GINS1: variants seen among roughly 807,000 people sequenced by gnomAD.
GINS1 encodes the protein DNA replication complex GINS protein PSF1.
Under a neutral mutation model 34.9 loss-of-function variants are expected in GINS1, and 26 were observed. That is an observed-to-expected ratio of 0.74 (90% CI 0.55 to 1.03). The LOEUF (loss-of-function observed/expected upper bound fraction) is 1.03. GINS1 is among the 50% of genes least tolerant of loss of function. GINS1 has a pLI of 0.00. For synonymous variants in GINS1, 97 were observed against 84.4 expected (o/e 1.15, Z -0.82); for missense variants, 235 against 237.9 (o/e 0.99, Z 0.08).
At chr20:25,411,750 C>G (rs1338507823) in intron 1 of GINS1, among the ~76,000 whole-genome samples, 1 of 151,974 alleles carries the variant, frequency 6.6e-6, no homozygotes, top group Non-Finnish European at 1.5e-5. Flanking sequence ...CGAGACCAAC[C>G]TGGTGAACAT....
At chr20:25,434,827 C>G (rs542618023) in intron 5 of GINS1, among the ~76,000 whole-genome samples, 183 of 152,348 alleles carry the variant, frequency 1.2e-3, no homozygotes, top group African/African-American at 3.9e-3. Flanking sequence ...GGGCTACACT[C>G]TGCTTCCAAT....
At chr20:25,408,294 G>C (rs1477835417) in intron 1 of GINS1, among the ~76,000 whole-genome samples, 1 of 152,150 alleles carries the variant, frequency 6.6e-6, no homozygotes, top group Non-Finnish European at 1.5e-5. Context: ...CAAGCTTTCT[G>C]TGCTCTCAGT....
chr20:25,435,262 T>TCA (rs1303119017), intron 5 of GINS1, among the ~76,000 whole-genome samples: 6 of 152,152 alleles, frequency 3.9e-5, no homozygotes, highest in African/African-American at 1.4e-4. Context: ...TTATTGAGGA[T>TCA]CCCAGGTATG....
chr20:25,415,664 A>G (rs1010594511), intron 2 of GINS1, among the ~76,000 whole-genome samples: 2 of 150,656 alleles, frequency 1.3e-5, no homozygotes, highest in African/African-American at 4.9e-5. Context: ...CAGCTTGGGC[A>G]ACAATAGCGA....
In GINS1 at chr20:25,411,821, TC is replaced by T. The variant is rs2090287105; in HGVS notation, c.76-1966del. On this transcript the variant is annotated intron_variant, in intron 1 of 6. Transcript: ENST00000262460. ...AGCTGGACGTGATGGGCACCTGTAATCCCAGCTACTTGAGAGGCTAAGGCAG... is the reference window on the plus strand; with the variant it reads ...AGCTGGACGTGATGGGCACCTGTAATCCAGCTACTTGAGAGGCTAAGGCAG... Among the ~76,000 whole-genome samples the T allele has an allele frequency of 2.0e-5, 3 of 151,998 alleles. No homozygotes were observed. In the South Asian group the frequency reaches 6.3e-4, roughly 32 times the overall value.
intron 4 of GINS1, among the ~76,000 whole-genome samples, chr20:25,423,844 G>A (rs1329908370): frequency 1.3e-5 from 2 of 151,858 alleles, no homozygotes; most frequent in East Asian, 3.9e-4. Context: ...TCAATCTCCT[G>A]ACCTCATGAT....
rs540113471 is a variant in GINS1 at position 25,444,608 on chromosome 20, C to T, written c.523-1315C>T. ...AGGTTACATTTTGCTTCCTTGAGAT[C>T]TTCCTTTGAGATTTCTTTGACCACC... On this transcript the variant is annotated intron_variant, in intron 6 of 6. Transcript: ENST00000262460. Among the ~76,000 whole-genome samples the T allele has an allele frequency of 9.2e-5, 14 of 152,264 alleles. No individual in the cohort carries two copies. In the East Asian group the frequency reaches 2.7e-3, roughly 29 times the overall value.
chr20:25,433,708 T>C (rs2090439273), intron 5 of GINS1, among the ~76,000 whole-genome samples: 1 of 152,196 alleles, frequency 6.6e-6, no homozygotes, highest in African/African-American at 2.4e-5. Context: ...CTTAAAATTA[T>C]AACACTTTAA....
At chr20:25,415,231 G>A (rs1351979154) in intron 2 of GINS1, among the ~76,000 whole-genome samples, 1 of 152,150 alleles carries the variant, frequency 6.6e-6, no homozygotes, top group African/African-American at 2.4e-5. Flanking sequence ...CTTTACAGGT[G>A]GACTGAGGAA....
intron 4 of GINS1, among the ~76,000 whole-genome samples, chr20:25,423,452 CTTTTTTTTTTTTTTTT>C (rs1159340467): frequency 7.3e-4 from 22 of 29,994 alleles, no homozygotes; most frequent in South Asian, 2.4e-3. Context: ...TTTTTCTTTT[CTTTTTTTTTTTTTTTT>C]TTTTTTTTTT....
chr20:25,428,878 T>C (rs2090409104), intron 5 of GINS1, among the ~76,000 whole-genome samples: 1 of 151,986 alleles, frequency 6.6e-6, no homozygotes, highest in African/African-American at 2.4e-5. Flanking sequence ...TATACATCTG[T>C]CTTTATGCCA....
Position 25,442,330 on chromosome 20 carries a change from A to ATCTG in GINS1, c.522+557_522+558insGTCT, listed in dbSNP as rs1489137759. On this transcript the variant is annotated intron_variant, in intron 6 of 6. Transcript: ENST00000262460. ...CCTTATAAGGAATCTTTATCCATCT[A>ATCTG]TCTATCTATCTGTCTGTCTGTCTGT... is the stretch of plus-strand genomic sequence containing the variant. Among the ~76,000 whole-genome samples the ATCTG allele has an allele frequency of 5.7e-3, 750 of 131,438 alleles. 2 individuals carry two copies. The highest frequency in any genetic ancestry group is 0.019 in the Middle Eastern group (5 of 262). The allele number at this position is 131,438 out of a possible 152,430, so 86.2% of individuals were successfully genotyped here.
chr20:25,428,739 C>G (rs538227776), intron 5 of GINS1, among the ~76,000 whole-genome samples: 1 of 151,986 alleles, frequency 6.6e-6, no homozygotes, highest in South Asian at 2.1e-4. Context: ...TGCCCTTTCC[C>G]CATTGTGAAT....
rs2090352485 is a variant in GINS1, at chr20:25,421,070, G to A, written c.330+2875G>A. On this transcript the variant is annotated intron_variant, in intron 4 of 6. Coordinates refer to ENST00000262460, the MANE Select transcript of GINS1 (RefSeq NM_021067.5). Reference sequence around the variant, plus strand: ...TATTACCCAAGGATAGTGCTTCAATGGGTGACTGAAGCACATGGGCTTGAG... The same window carrying A: ...TATTACCCAAGGATAGTGCTTCAATAGGTGACTGAAGCACATGGGCTTGAG... 7 of 510,234 alleles carry A rather than the reference G, an allele frequency of 1.4e-5. No homozygotes were observed. In the South Asian group the frequency reaches 4.2e-4, roughly 31 times the overall value. 31.6% of individuals were successfully genotyped at this position (510,234 alleles called of 1,614,324 possible).
At chr20:25,417,412 TG>T (rs2090328034) in intron 3 of GINS1, among the ~76,000 whole-genome samples, 1 of 152,190 alleles carries the variant, frequency 6.6e-6, no homozygotes, top group African/African-American at 2.4e-5. Flanking sequence ...TGAACCCCAG[TG>T]GAGCTATCAT....
chr20:25,443,058 C>G (rs998784577), intron 6 of GINS1: 10 of 152,130 alleles, frequency 6.6e-5, no homozygotes, highest in African/African-American at 2.4e-4. Flanking sequence ...TTTGTTCATG[C>G]CAGGGAGCAA....
intron 4 of GINS1, among the ~76,000 whole-genome samples, chr20:25,421,888 A>C (rs1181080149): frequency 1.3e-5 from 2 of 152,202 alleles, no homozygotes; most frequent in Non-Finnish European, 2.9e-5. Context: ...AAAAGACCAC[A>C]GTGGAAACAC....
chr20:25,413,754 A>G, intron 1 of GINS1, 36 bp from the exon 2 acceptor site: 1 of 1,185,474 alleles, frequency 8.4e-7, no homozygotes, highest in Non-Finnish European at 1.3e-6. Flanking sequence ...TTGGTGGGGA[A>G]ATCAGTGGAT....
At chr20:25,440,437 G>T (rs2090475843) in intron 5 of GINS1, among the ~76,000 whole-genome samples, 1 of 152,200 alleles carries the variant, frequency 6.6e-6, no homozygotes, top group Non-Finnish European at 1.5e-5. Flanking sequence ...GCCATGTGTT[G>T]ATGTCAGTTG....
Sources: gnomAD v4.1 joint callset for allele counts (sites outside exome capture counted in the v4.1 genomes callset) on GRCh38, gnomAD v4.1.1 for gene constraint, MANE v1.5 for transcripts, NCBI Gene and HGNC (gene_info 2026-07-23, HGNC 2026-07-21) for gene names.